Variants in UPP2 observed in about 807,000 individuals in gnomAD.
UPP2 encodes UPase 2.
UPP2 carries 23 observed loss-of-function variants against 26.7 expected under a neutral mutation model. The ratio of observed to expected loss-of-function variants is 0.86; its 90% CI spans 0.62 to 1.22. UPP2 has a LOEUF of 1.22. Among genes scored for constraint, UPP2 ranks in the 50% most tolerant of loss-of-function variants. The pLI is 0.00. For missense variants in UPP2, 387 were observed against 396.7 expected, an observed-to-expected ratio of 0.98 and a Z score of 0.21; for synonymous variants, 127 against 141.3, an observed-to-expected ratio of 0.90 and a Z score of 0.72.
In UPP2 at chr2:158,112,817, G is replaced by A. The variant is rs183226808; in HGVS notation, c.181-2284G>A. On this transcript the variant is annotated intron_variant, in intron 2 of 6. Coordinates refer to ENST00000005756, the MANE Select transcript of UPP2 (RefSeq NM_173355.4). ...ATGGCATAGTTAAGCCTTTTAAGAT[G>A]CTAGGGATATCTAAAGCTGAGTTTT... Among the ~76,000 whole-genome samples the A allele has an allele frequency of 1.1e-3, 174 of 152,298 alleles. 4 individuals carry two copies. In the South Asian group the frequency reaches 0.024, roughly 21 times the overall value.
intron 3 of UPP2, among the ~76,000 whole-genome samples, chr2:158,041,208 T>A (rs545882898): frequency 9.9e-5 from 15 of 152,220 alleles, no homozygotes; most frequent in African/African-American, 3.4e-4. Context: ...ATAAATGGTA[T>A]TTTTAAAGTA....
intron 4 of UPP2, 44 bp downstream of exon 4, chr2:158,117,982 C>A: frequency 6.6e-7 from 1 of 1,508,964 alleles, no homozygotes; most frequent in Non-Finnish European, 9.2e-7. Context: ...GTGATCCTTA[C>A]ATACATGGTA....
At chr2:158,102,826 A>T (rs1297374089) in intron 1 of UPP2, among the ~76,000 whole-genome samples, 3 of 152,216 alleles carry the variant, frequency 2.0e-5, no homozygotes, top group Non-Finnish European at 4.4e-5. Context: ...CATCCCAAAC[A>T]GAGGTAGCCT....
intron 3 of UPP2, among the ~76,000 whole-genome samples, chr2:158,053,525 G>T (rs918191705): frequency 6.6e-6 from 1 of 152,126 alleles, no homozygotes; most frequent in African/African-American, 2.4e-5. Context: ...GCCTAGCTCA[G>T]TACCATGTAC....
intron 2 of UPP2, among the ~76,000 whole-genome samples, chr2:157,996,143 C>T (rs561953887): frequency 6.8e-4 from 103 of 152,224 alleles, no homozygotes; most frequent in Non-Finnish European, 1.3e-3. Flanking sequence ...ACAGAAGATG[C>T]CTTGCCACTC....
At chr2:158,116,753 C>G (rs1219744113) in intron 3 of UPP2, among the ~76,000 whole-genome samples, 1 of 152,140 alleles carries the variant, frequency 6.6e-6, no homozygotes, top group South Asian at 2.1e-4. Context: ...AAAAATAATA[C>G]TTAGAGCATT....
intron 2 of UPP2, among the ~76,000 whole-genome samples, chr2:158,013,488 G>A (rs1422554210): frequency 6.6e-6 from 1 of 152,214 alleles, no homozygotes; most frequent in Non-Finnish European, 1.5e-5. Context: ...AAAGGCTTGG[G>A]GAAGAGGGGA....
chr2:158,066,014 G>A, intron 3 of UPP2: 2 of 348,204 alleles, frequency 5.7e-6, no homozygotes, highest in Non-Finnish European at 1.1e-5. Flanking sequence ...CCTTAAAGAT[G>A]TGGCTGCACT....
chr2:158,080,921 A>C (rs2105194619), intron 3 of UPP2, among the ~76,000 whole-genome samples: 1 of 152,280 alleles, frequency 6.6e-6, no homozygotes, highest in South Asian at 2.1e-4. Flanking sequence ...ATTTGTTAGA[A>C]AACCACGTTG....
chr2:158,043,798 G>A (rs80215828), intron 3 of UPP2, among the ~76,000 whole-genome samples: 1 of 152,308 alleles, frequency 6.6e-6, no homozygotes, highest in South Asian at 2.1e-4. Flanking sequence ...TTCTCTGGGG[G>A]CGGTTTGCCA....
chr2:158,061,700 T>C (rs1682354757), intron 3 of UPP2, among the ~76,000 whole-genome samples: 1 of 152,202 alleles, frequency 6.6e-6, no homozygotes, highest in Admixed American at 6.5e-5. Flanking sequence ...TTTGGATTAT[T>C]TGGGGTTGGT....
chr2:157,998,599 C>T (rs374497318), intron 2 of UPP2, among the ~76,000 whole-genome samples: 2 of 151,958 alleles, frequency 1.3e-5, no homozygotes, highest in East Asian at 1.9e-4. Context: ...ATTAGGAGTT[C>T]GATATCAGCT....
intron 3 of UPP2, among the ~76,000 whole-genome samples, chr2:158,029,308 TA>T (rs1683888295): frequency 6.6e-6 from 1 of 152,210 alleles, no homozygotes; most frequent in African/African-American, 2.4e-5. Flanking sequence ...AAAGATGCTT[TA>T]AAAAAATGTT....
intron 2 of UPP2, among the ~76,000 whole-genome samples, chr2:158,012,337 G>A (rs1373411630): frequency 7.4e-6 from 1 of 135,134 alleles, no homozygotes; most frequent in African/African-American, 2.7e-5. Context: ...AAACGATCTC[G>A]GCTCGCTGCA....
At chr2:158,096,616 T>C (rs1682990059) in intron 3 of UPP2, among the ~76,000 whole-genome samples, 1 of 151,802 alleles carries the variant, frequency 6.6e-6, no homozygotes, top group South Asian at 2.1e-4. Flanking sequence ...AATAAATAAA[T>C]AAATATAATA....
chr2:158,040,094 G>A (rs1023295883), intron 3 of UPP2, among the ~76,000 whole-genome samples: 38 of 152,334 alleles, frequency 2.5e-4, no homozygotes, highest in African/African-American at 8.7e-4. Context: ...CAGTGGGCAG[G>A]CCATTATGAA....
At chr2:158,015,122 A>G (rs1414998031) in intron 2 of UPP2, among the ~76,000 whole-genome samples, 1 of 152,238 alleles carries the variant, frequency 6.6e-6, no homozygotes, top group South Asian at 2.1e-4. Flanking sequence ...CATCTTAACC[A>G]TTTTAAAGTA....
At chr2:158,015,707 G>A (rs1025326692) in intron 2 of UPP2, 4 of 434,068 alleles carry the variant, frequency 9.2e-6, no homozygotes, top group Middle Eastern at 7.4e-4. Flanking sequence ...TGCTGTTCTT[G>A]TGATAGTGAG....
At chr2:158,124,395 G>A (rs1412131207) in intron 6 of UPP2, among the ~76,000 whole-genome samples, 3 of 152,164 alleles carry the variant, frequency 2.0e-5, no homozygotes, top group Non-Finnish European at 4.4e-5. Context: ...GATCAGGAGG[G>A]GAGAGGCAGT....
Sources: allele counts gnomAD v4.1 joint callset (sites outside exome capture counted in the v4.1 genomes callset), GRCh38; gene constraint gnomAD v4.1.1; transcripts MANE v1.5; gene names NCBI Gene and HGNC (gene_info 2026-07-23, HGNC 2026-07-21).